Variants in PPL observed in about 807,000 individuals in gnomAD.
The protein encoded by PPL is 190 kDa paraneoplastic pemphigus antigen.
PPL carries 198 observed loss-of-function variants against 194.4 expected under a neutral mutation model. That is an observed-to-expected ratio of 1.02 (90% CI 0.91 to 1.15). The LOEUF is 1.15. PPL is among the 50% of genes most tolerant of loss of function. The probability of loss-of-function intolerance (pLI) is 0.00; values close to 1 mark genes in which losing one functional copy is unlikely to be tolerated. For synonymous variants in PPL, 1,220 were observed against 972.4 expected, an observed-to-expected ratio of 1.25 and a Z score of -4.74; for missense variants, 2,885 against 2,294.8, an observed-to-expected ratio of 1.26 and a Z score of -5.25.
At chr16:4,896,254 A>G (rs2088425295) in intron 9 of PPL, among the ~76,000 whole-genome samples, 1 of 152,150 alleles carries the variant, frequency 6.6e-6, no homozygotes, top group Non-Finnish European at 1.5e-5. Context: ...CGTCGCCCAC[A>G]TCCAGCTTTC....
At chr16:4,905,396 A>G (rs1242952589) in intron 2 of PPL, among the ~76,000 whole-genome samples, 1 of 152,144 alleles carries the variant, frequency 6.6e-6, no homozygotes, top group Non-Finnish European at 1.5e-5. Flanking sequence ...AAGTCCAGAG[A>G]GATGGAAAGT....
intron 1 of PPL, among the ~76,000 whole-genome samples, chr16:4,918,580 C>T (rs1243896723): frequency 6.6e-6 from 1 of 152,126 alleles, no homozygotes; most frequent in African/African-American, 2.4e-5. Context: ...GCATGGAATT[C>T]ATATACCATG....
At chr16:4,891,504 A>T (rs1394787706) in intron 16 of PPL, 4 of 311,880 alleles carry the variant, frequency 1.3e-5, no homozygotes, top group Non-Finnish European at 2.3e-5. Flanking sequence ...CTGGACTTAA[A>T]CTCCAAGGCT....
Position 4,889,039 on chromosome 16 carries a change from C to T in PPL, c.2336G>A (p.Ser779Asn). The change falls in exon 19 of 22, where the codon AGT becomes AAT. Residue 779 changes from serine to asparagine, a missense_variant. Transcript: ENST00000345988. ...GATCTTCTGTACTTCCTGCTCCCTA[C>T]TTGCTATCTCATCTAGCAGGTTCTG... is the stretch of plus-strand genomic sequence containing the variant. ...NQKNLLDEIASREQEVQKICA... is the reference protein window; with the variant it reads ...NQKNLLDEIANREQEVQKICA... 3.1e-6 allele frequency: 5 copies of T among 1,613,732 alleles called. No homozygotes were observed. The South Asian group carries it at 5.5e-5, about 18-fold the overall frequency.
intron 1 of PPL, among the ~76,000 whole-genome samples, chr16:4,922,878 G>C (rs948957850): frequency 2.0e-5 from 3 of 152,106 alleles, no homozygotes; most frequent in Admixed American, 2.0e-4. Flanking sequence ...TCAGAATTTG[G>C]AACCATCTCC....
intron 2 of PPL, 35 bp downstream of exon 2, chr16:4,910,815 G>A: frequency 6.4e-7 from 1 of 1,565,964 alleles, no homozygotes; most frequent in Non-Finnish European, 8.8e-7. Flanking sequence ...GGCAGCACGG[G>A]GCACCCAGGT....
intron 4 of PPL, 113 bp from the exon 5 acceptor site, chr16:4,901,202 C>G: frequency 9.3e-6 from 11 of 1,184,114 alleles, no homozygotes; most frequent in Non-Finnish European, 1.3e-5. Flanking sequence ...TTTCACGGGG[C>G]CCTGCAGAGC....
At chr16:4,893,192 G>T in intron 14 of PPL, 21 bp downstream of exon 14, 3 of 1,525,544 alleles carry the variant, frequency 2.0e-6, no homozygotes, top group Non-Finnish European at 2.6e-6. Context: ...GGCCCCACCT[G>T]TGCTCCTGAC....
chr16:4,888,153 G>T lies in PPL; in HGVS notation c.2463C>A (p.His821Gln), dbSNP rs752484116. Residue 821 changes from histidine (H) to glutamine (Q), a missense_variant, in exon 20 of 22, where the codon CAC becomes CAA. His to Gln is a conservative substitution (Grantham distance 24). Transcript: ENST00000345988. ...ATTGGAGCCTGGCTCTCTTGCTCACGTGGCTTCTCCTTCCATTCTCCAAGT... is the reference window on the plus strand; with the variant it reads ...ATTGGAGCCTGGCTCTCTTGCTCACTTGGCTTCTCCTTCCATTCTCCAAGT... ...LLDLENGRRS[H>Q]VSKRARLQSP... is the part of the protein sequence containing the mutation. 1.2e-6 allele frequency: 2 copies of T among 1,613,990 alleles called. No homozygotes were observed. Among genetic ancestry groups the T allele is most frequent in the South Asian group, 2.2e-5 (2 of 91,078 alleles).
Position 4,893,163 on chromosome 16 carries a change from G to A in PPL, c.1650+50C>T, listed in dbSNP as rs1240766220. 10 of 1,457,184 alleles carry A rather than the reference G, an allele frequency of 6.9e-6. No individual in the cohort carries two copies. The African/African-American group carries it at 1.1e-4, about 16-fold the overall frequency. 90.3% of individuals were successfully genotyped at this position (1,457,184 alleles called of 1,614,324 possible). A position where few individuals can be genotyped will look rare whatever the true frequency, so the allele number is the denominator to read the frequency against. The stretch of plus-strand genomic sequence containing the variant: ...AGACCTCAAATAGGGGCCCCAGGGG[G>A]CCAGTGCAGGGCTCCCCCGGCCCCA... On this transcript the variant is annotated intron_variant, in intron 14 of 21. Coordinates refer to ENST00000345988, the MANE Select transcript of PPL (RefSeq NM_002705.5).
In PPL at chr16:4,884,101, C is replaced by T. The variant is rs375641932; in HGVS notation, c.4554G>A (p.Arg1518=). 3 of 1,613,162 alleles carry T rather than the reference C, an allele frequency of 1.9e-6. No homozygotes were observed. The highest frequency in any genetic ancestry group is 1.3e-5 in the African/African-American group (1 of 74,862). Residue 1518 remains arginine (R), a synonymous_variant, in exon 22 of 22, where the codon AGG becomes AGA. Coordinates refer to ENST00000345988, the MANE Select transcript of PPL (RefSeq NM_002705.5). The surrounding 1 kb of genome is among the most constrained non-coding windows in gnomAD (Gnocchi z 5.7). ...TCTCCTCCTCCAGGCTGCTCTTGAG[C>T]CTCTGGATCTCTTGCTCGGTGTCGC... The part of the protein sequence containing the change: ...EKGDTEQEIQ[R]LKSSLEEESR...
intron 1 of PPL, among the ~76,000 whole-genome samples, chr16:4,925,409 G>A (rs1452632807): frequency 6.6e-6 from 1 of 152,184 alleles, no homozygotes; most frequent in Non-Finnish European, 1.5e-5. Flanking sequence ...GGCACCTACT[G>A]GGTGCCCAGC....
At chr16:4,924,712 G>A (rs1055473490) in intron 1 of PPL, among the ~76,000 whole-genome samples, 6 of 152,130 alleles carry the variant, frequency 3.9e-5, no homozygotes, top group African/African-American at 7.2e-5. Context: ...ACCCTGGCAC[G>A]AAGACCGCAG....
At chr16:4,928,903 T>C (rs2089192565) in intron 1 of PPL, among the ~76,000 whole-genome samples, 2 of 149,328 alleles carry the variant, frequency 1.3e-5, no homozygotes, top group Non-Finnish European at 3.0e-5. Flanking sequence ...CCCAGCTACT[T>C]GGGAGGCTGA....
At chr16:4,919,086 A>G (rs544060407) in intron 1 of PPL, among the ~76,000 whole-genome samples, 31 of 152,362 alleles carry the variant, frequency 2.0e-4, no homozygotes, top group African/African-American at 7.2e-4. Flanking sequence ...ACACACCGGA[A>G]AAGGGAAAGG....
chr16:4,922,518 C>T (rs1044820980), intron 1 of PPL, among the ~76,000 whole-genome samples: 12 of 152,084 alleles, frequency 7.9e-5, no homozygotes, highest in Admixed American at 4.6e-4. Flanking sequence ...AAAAATTAGC[C>T]GGGAATGGTG....
intron 8 of PPL, 23 bp downstream of exon 8, chr16:4,898,989 TG>T: frequency 6.3e-7 from 1 of 1,596,568 alleles, no homozygotes; most frequent in Non-Finnish European, 8.6e-7. Flanking sequence ...CTGGGGGAGG[TG>T]TCTGGTCTCG....
At chr16:4,892,962 C>T (rs1186702070) in intron 14 of PPL, 2 of 457,476 alleles carry the variant, frequency 4.4e-6, no homozygotes, top group African/African-American at 2.0e-5. Context: ...GCCCATGTGC[C>T]ATGCCAGGCG....
rs1169032823 is a variant in PPL, at chr16:4,886,061, G to C, written c.2608-14C>G. On this transcript the variant is annotated splice_polypyrimidine_tract_variant and intron_variant, in intron 21 of 21. Coordinates refer to ENST00000345988, the MANE Select transcript of PPL (RefSeq NM_002705.5). The stretch of plus-strand genomic sequence containing the variant: ...TACTTCCGGCTGCTGTGATGGAGAA[G>C]ACAAGACAAGGTTAAAGCCAGGCTC... The C allele has an allele frequency of 6.2e-7, 1 of 1,613,692 alleles. No homozygotes were observed. Among genetic ancestry groups the C allele is most frequent in the Non-Finnish European group, 8.5e-7 (1 of 1,180,012 alleles).
Sources: allele counts gnomAD v4.1 joint callset (sites outside exome capture counted in the v4.1 genomes callset), GRCh38; gene constraint gnomAD v4.1.1; non-coding constraint Gnocchi (gnomAD v3.1); transcripts MANE v1.5; gene names NCBI Gene and HGNC (gene_info 2026-07-23, HGNC 2026-07-21).